Variants in DUSP22 observed in about 807,000 individuals in gnomAD.
The protein encoded by DUSP22 is dual specificity phosphatase 22.
A neutral mutation model predicts 24.5 loss-of-function variants in DUSP22; 24 were observed. That is an observed-to-expected ratio of 0.98 (90% CI 0.71 to 1.38). DUSP22 has a LOEUF of 1.38. Ranked by LOEUF, DUSP22 falls within the 40% of genes most tolerant of loss-of-function variation. The pLI, the probability that DUSP22 is intolerant of heterozygous loss-of-function variation, is 0.00. For synonymous variants in DUSP22, 160 were observed against 106.4 expected, an observed-to-expected ratio of 1.50 and a Z score of -3.10; for missense variants, 330 against 269.2, an observed-to-expected ratio of 1.23 and a Z score of -1.58.
At chr6:309,154 G>C (rs1028247844) in intron 2 of DUSP22, among the ~76,000 whole-genome samples, 5 of 152,292 alleles carry the variant, frequency 3.3e-5, no homozygotes, top group African/African-American at 1.2e-4. Flanking sequence ...TGAGGGGTTG[G>C]GGGTTGGCAG....
At chr6:348,656 T>C in intron 6 of DUSP22, 113 bp from the exon 7 acceptor site, 2 of 1,524,670 alleles carry the variant, frequency 1.3e-6, no homozygotes. Context: ...CTGCTGTTTG[T>C]TTCCCTGGTT....
intron 2 of DUSP22, among the ~76,000 whole-genome samples, chr6:308,187 C>G (rs1189449599): frequency 6.6e-6 from 1 of 152,298 alleles, no homozygotes; most frequent in African/African-American, 2.4e-5. Flanking sequence ...GTTGGAGGAC[C>G]CCATGTTGAG....
intron 2 of DUSP22, among the ~76,000 whole-genome samples, chr6:308,199 A>G (rs867976524): frequency 3.3e-5 from 5 of 151,948 alleles, no homozygotes; most frequent in Non-Finnish European, 7.3e-5. Context: ...CATGTTGAGC[A>G]CCAAAGCGCT....
At chr6:299,997 G>T (rs1188295376) in intron 1 of DUSP22, among the ~76,000 whole-genome samples, 1 of 152,300 alleles carries the variant, frequency 6.6e-6, no homozygotes, top group African/African-American at 2.4e-5. Flanking sequence ...CTACCCAAGG[G>T]AGAACCAATC....
At chr6:339,319 C>T (rs1198086248) in intron 4 of DUSP22, among the ~76,000 whole-genome samples, 1 of 152,304 alleles carries the variant, frequency 6.6e-6, no homozygotes, top group Non-Finnish European at 1.5e-5. Flanking sequence ...GCCTATCTCA[C>T]AGGGTTTTTT....
At chr6:307,300 G>A (rs556670069) in intron 2 of DUSP22, among the ~76,000 whole-genome samples, 158 of 151,372 alleles carry the variant, frequency 1.0e-3, no homozygotes, top group Non-Finnish European at 1.9e-3. Flanking sequence ...TCCCCTTCCC[G>A]TTTCCTTTCT....
At position 293,331 on chromosome 6, in the gene DUSP22, CG is replaced by C. The variant is rs1397317433; in HGVS notation, c.21+775del. ...TCCAGCTCTGGCAGCTGAGAGTTGC[CG>C]GGGTGTATTCATGTGAACCACAGGG... On this transcript the variant is annotated intron_variant, in intron 1 of 6. Coordinates refer to ENST00000419235, the MANE Select transcript of DUSP22 (RefSeq NM_001286555.3). 2.0e-5 allele frequency among the ~76,000 whole-genome samples: 3 copies of C among 152,376 alleles called. No individual in the cohort carries two copies. In the East Asian group the frequency reaches 5.8e-4, roughly 29 times the overall value.
At chr6:339,444 A>G (rs1759500699) in intron 4 of DUSP22, among the ~76,000 whole-genome samples, 1 of 152,308 alleles carries the variant, frequency 6.6e-6, no homozygotes, top group Non-Finnish European at 1.5e-5. Flanking sequence ...ATGTTTTGAA[A>G]GTGAATGGTT....
chr6:339,705 T>TAGCA (rs1759515517), intron 4 of DUSP22, among the ~76,000 whole-genome samples: 1 of 152,308 alleles, frequency 6.6e-6, no homozygotes, highest in South Asian at 2.1e-4. Flanking sequence ...GAAGAAGCTT[T>TAGCA]AGCAATACAG....
chr6:308,683 A>G (rs1170284150), intron 2 of DUSP22, among the ~76,000 whole-genome samples: 1 of 152,312 alleles, frequency 6.6e-6, no homozygotes, highest in African/African-American at 2.4e-5. Context: ...TACGGGGTGA[A>G]GAAAATGTTC....
intron 5 of DUSP22, 54 bp downstream of exon 5, chr6:345,982 T>A: frequency 6.2e-7 from 1 of 1,602,978 alleles, no homozygotes; most frequent in Non-Finnish European, 8.5e-7. Context: ...CGGCTTGGCT[T>A]CCCATCAAGT....
chr6:343,821 C>G (rs925471238), intron 4 of DUSP22, among the ~76,000 whole-genome samples: 5 of 152,418 alleles, frequency 3.3e-5, no homozygotes, highest in African/African-American at 1.2e-4. Context: ...TTTGTTAGGC[C>G]GTGCCTGAAT....
chr6:327,965 G>T (rs1027537782), intron 3 of DUSP22, among the ~76,000 whole-genome samples: 1 of 152,300 alleles, frequency 6.6e-6, no homozygotes, highest in Non-Finnish European at 1.5e-5. Flanking sequence ...TGTGAAAATG[G>T]GTCTTCTCTA....
chr6:293,685 G>A (rs1295222423), intron 1 of DUSP22, among the ~76,000 whole-genome samples: 4 of 152,268 alleles, frequency 2.6e-5, no homozygotes, highest in South Asian at 2.1e-4. Context: ...AACTTTTCAC[G>A]TGCGCATGTC....
intron 3 of DUSP22, among the ~76,000 whole-genome samples, chr6:312,645 G>GT (rs1330230956): frequency 1.6e-4 from 24 of 152,396 alleles, no homozygotes; most frequent in Non-Finnish European, 1.2e-4. Context: ...ATGTGTATGT[G>GT]TTTTTCTATT....
chr6:325,326 T>G (rs1758809936), intron 3 of DUSP22: 1 of 192,452 alleles, frequency 5.2e-6, no homozygotes, highest in Non-Finnish European at 1.0e-5. Context: ...GAGAGTCATC[T>G]GCCCTGGGCT....
chr6:345,798 T>C, intron 4 of DUSP22, 56 bp from the exon 5 acceptor site: 1 of 1,579,228 alleles, frequency 6.3e-7, no homozygotes, highest in Admixed American at 1.8e-5. Context: ...AATTTTCTTT[T>C]CATCATATAT....
intron 3 of DUSP22, among the ~76,000 whole-genome samples, chr6:327,582 A>G (rs1160121554): frequency 2.0e-5 from 3 of 152,300 alleles, no homozygotes; most frequent in Non-Finnish European, 4.4e-5. Flanking sequence ...GTCTAGTGAG[A>G]GAGACTGGCC....
Position 300,272 on chromosome 6 carries a change from G to T in DUSP22, c.22-4356G>T, listed in dbSNP as rs557750049. 6.6e-5 allele frequency among the ~76,000 whole-genome samples: 10 copies of T among 152,422 alleles called. No individual in the cohort carries two copies. The East Asian group carries it at 1.3e-3, about 21-fold the overall frequency. On this transcript the variant is annotated intron_variant, in intron 1 of 6. Transcript: ENST00000419235. ...ACTTCCTTAGATGTGGGTGAGATTGGAGAATGCCTTCGGGCTCGGGCTCAG... is the reference window on the plus strand; with the variant it reads ...ACTTCCTTAGATGTGGGTGAGATTGTAGAATGCCTTCGGGCTCGGGCTCAG...
Sources: allele counts gnomAD v4.1 joint callset (sites outside exome capture counted in the v4.1 genomes callset), GRCh38; gene constraint gnomAD v4.1.1; transcripts MANE v1.5; gene names NCBI Gene and HGNC (gene_info 2026-07-23, HGNC 2026-07-21).